The following DACH2 variants were observed in gnomAD, a reference collection of about 807,000 sequenced individuals.
DACH2 encodes the protein dachshund family transcription factor 2.
In DACH2, 17 loss-of-function variants were observed where a neutral mutation model predicts 35.8. That is an observed-to-expected ratio of 0.48 (90% CI 0.33 to 0.71). The LOEUF (loss-of-function observed/expected upper bound fraction) is 0.71, where lower values mean the gene tolerates loss of function less well. Among genes scored for constraint, DACH2 ranks in the 30% least tolerant of loss-of-function variants. The pLI is 0.02. For synonymous variants in DACH2, 195 were observed against 177.3 expected, an observed-to-expected ratio of 1.10 and a Z score of -0.79; for missense variants, 469 against 472.7, an observed-to-expected ratio of 0.99 and a Z score of 0.07.
Position 86,589,549 on chromosome X carries a change from G to C in DACH2, c.641-61487G>C, listed in dbSNP as rs569720381. ...TTGGCATAAGTGTTGGACCAATAAC[G>C]ATACATTATTAAATAAAGTCTATAA... is the stretch of plus-strand genomic sequence containing the variant. On this transcript the variant is annotated intron_variant, in intron 3 of 11. Transcript: ENST00000373125. 1.6e-4 allele frequency among the ~76,000 whole-genome samples: 18 copies of C among 111,308 alleles called. No homozygotes were observed. In the South Asian group the frequency reaches 6.3e-3, roughly 39 times the overall value.
At chrX:86,515,771 A>C (rs756145974) in intron 3 of DACH2, among the ~76,000 whole-genome samples, 1 of 112,348 alleles carries the variant, frequency 8.9e-6, no homozygotes, top group South Asian at 3.6e-4. Context: ...AGAAACTTCT[A>C]TAGGTAAAAG....
In DACH2 at chrX:86,239,212, A is replaced by T. The variant is rs771521276; in HGVS notation, c.488+90104A>T. ...TTGAAGTAACTGATTTAGATTGTTA[A>T]TTTTTTATTGAACTATAAAGATGAG... On this transcript the variant is annotated intron_variant, in intron 1 of 11. Transcript: ENST00000373125. Among the ~76,000 whole-genome samples, 3 of 111,817 alleles carry T rather than the reference A, an allele frequency of 2.7e-5. No homozygotes were observed. The East Asian group carries it at 8.4e-4, about 31-fold the overall frequency.
At chrX:86,542,799 A>G (rs899440459) in intron 3 of DACH2, among the ~76,000 whole-genome samples, 13 of 111,835 alleles carry the variant, frequency 1.2e-4, no homozygotes, top group Non-Finnish European at 2.3e-4. Context: ...GCAGAAACCT[A>G]GCTTCTCAGA....
chrX:86,597,386 C>T (rs2148354958), intron 3 of DACH2, among the ~76,000 whole-genome samples: 1 of 111,925 alleles, frequency 8.9e-6, no homozygotes, highest in Admixed American at 9.5e-5. Flanking sequence ...TTATTAATCT[C>T]AAACTACTTT....
At chrX:86,548,148 A>G (rs181032760) in intron 3 of DACH2, among the ~76,000 whole-genome samples, 8 of 111,768 alleles carry the variant, frequency 7.2e-5, no homozygotes, top group Admixed American at 4.8e-4. Flanking sequence ...TATTTCAGCT[A>G]ATCTACTTAG....
chrX:86,415,153 G>A (rs951743486), intron 2 of DACH2, among the ~76,000 whole-genome samples: 1 of 112,031 alleles, frequency 8.9e-6, no homozygotes, highest in East Asian at 2.8e-4. Flanking sequence ...TATGTCCTGA[G>A]CACCTGTGTC....
intron 7 of DACH2, among the ~76,000 whole-genome samples, chrX:86,801,426 A>G (rs1478759716): frequency 9.0e-6 from 1 of 111,544 alleles, no homozygotes; most frequent in African/African-American, 3.3e-5. Context: ...TAAGACTGAA[A>G]TATCAGTACA....
intron 3 of DACH2, among the ~76,000 whole-genome samples, chrX:86,585,823 T>A (rs1281377393): frequency 1.8e-5 from 2 of 111,524 alleles, no homozygotes; most frequent in African/African-American, 3.3e-5. Flanking sequence ...TTGATGGGAA[T>A]TTAGGTTGAT....
chrX:86,714,298 C>T (rs926328565), intron 5 of DACH2, among the ~76,000 whole-genome samples: 1 of 111,630 alleles, frequency 9.0e-6, no homozygotes, highest in African/African-American at 3.3e-5. Context: ...AAAAATTTTG[C>T]ATCTTATAAA....
chrX:86,387,694 T>G (rs1222161895), intron 2 of DACH2, among the ~76,000 whole-genome samples: 4 of 112,173 alleles, frequency 3.6e-5, no homozygotes, highest in African/African-American at 1.3e-4. Flanking sequence ...CATCCCTTTG[T>G]TTTGCTAACC....
intron 7 of DACH2, among the ~76,000 whole-genome samples, chrX:86,754,139 A>T (rs190942757): frequency 9.8e-5 from 11 of 111,751 alleles, no homozygotes; most frequent in Admixed American, 9.5e-4. Flanking sequence ...TTCCAAACAG[A>T]TTTTTAAAGT....
In DACH2 at chrX:86,460,185, G is replaced by A. The variant is rs746471366; in HGVS notation, c.528-54094G>A. ...AGAAACATAATTATTAGATTGGAAG[G>A]TATAACAATAATTTTAGCAAATATT... On this transcript the variant is annotated intron_variant, in intron 2 of 11. Coordinates refer to ENST00000373125, the MANE Select transcript of DACH2 (RefSeq NM_053281.3). Among the ~76,000 whole-genome samples the A allele has an allele frequency of 5.4e-5, 6 of 110,710 alleles. No homozygotes were observed. In the South Asian group the frequency reaches 2.3e-3, roughly 42 times the overall value.
intron 4 of DACH2, among the ~76,000 whole-genome samples, chrX:86,677,453 A>C (rs912256891): frequency 1.8e-5 from 2 of 112,053 alleles, no homozygotes; most frequent in Non-Finnish European, 3.8e-5. Context: ...AAGAACTGCC[A>C]ATTTGTCCTA....
At chrX:86,774,934 G>A (rs930762127) in intron 7 of DACH2, among the ~76,000 whole-genome samples, 1 of 110,970 alleles carries the variant, frequency 9.0e-6, no homozygotes, top group African/African-American at 3.3e-5. Context: ...AATAGAATAG[G>A]GTAAAACATA....
intron 7 of DACH2, among the ~76,000 whole-genome samples, chrX:86,777,090 T>C (rs2042041854): frequency 9.0e-6 from 1 of 111,665 alleles, no homozygotes; most frequent in African/African-American, 3.3e-5. Context: ...TATAATCCTT[T>C]GGGTATATAC....
At chrX:86,770,120 T>C (rs1408690904) in intron 7 of DACH2, among the ~76,000 whole-genome samples, 1 of 111,208 alleles carries the variant, frequency 9.0e-6, no homozygotes, top group East Asian at 2.8e-4. Flanking sequence ...TCACCAGAAA[T>C]TTTAAAGCGC....
intron 1 of DACH2, among the ~76,000 whole-genome samples, chrX:86,268,055 G>A (rs1487697615): frequency 9.0e-6 from 1 of 111,557 alleles, no homozygotes; most frequent in Non-Finnish European, 1.9e-5. Context: ...AAAATTGTCA[G>A]GAAAGAAAAA....
At chrX:86,165,385 G>A (rs939172578) in intron 1 of DACH2, among the ~76,000 whole-genome samples, 7 of 111,158 alleles carry the variant, frequency 6.3e-5, no homozygotes, top group Non-Finnish European at 1.3e-4. Context: ...TCAAATTTTA[G>A]ATTTTTGAGG....
chrX:86,569,939 G>T (rs1195010283), intron 3 of DACH2, among the ~76,000 whole-genome samples: 1 of 111,593 alleles, frequency 9.0e-6, no homozygotes, highest in East Asian at 2.9e-4. Context: ...GAAATGTACA[G>T]ACATTTCTCA....
Sources: gnomAD v4.1 joint callset for allele counts (sites outside exome capture counted in the v4.1 genomes callset) on GRCh38, gnomAD v4.1.1 for gene constraint, MANE v1.5 for transcripts, NCBI Gene and HGNC (gene_info 2026-07-23, HGNC 2026-07-21) for gene names.